Variants in LTBP1 observed in about 807,000 individuals in gnomAD.
LTBP1 encodes latent transforming growth factor beta binding protein 1.
A neutral mutation model predicts 207.6 loss-of-function variants in LTBP1; 129 were observed. The observed-to-expected ratio is 0.62, with a 90% confidence interval of 0.54 to 0.72. The LOEUF is 0.72. Among genes scored for constraint, LTBP1 ranks in the 30% least tolerant of loss-of-function variants. The pLI is 0.00. For synonymous variants in LTBP1, 963 were observed against 833.7 expected, an observed-to-expected ratio of 1.16 and a Z score of -2.67; for missense variants, 2,281 against 2,217.2, an observed-to-expected ratio of 1.03 and a Z score of -0.58.
At position 33,355,594 on chromosome 2, in the gene LTBP1, C is replaced by A. The variant is rs575670890; in HGVS notation, c.4001-5003C>A. ...ATCCCATGGATACAGAGGGCTGGGC[C>A]CACTGTACTTTATTTGGCTTCCAGG... On this transcript the variant is annotated intron_variant, in intron 26 of 33. Coordinates refer to ENST00000404816, the MANE Select transcript of LTBP1 (RefSeq NM_206943.4). Among the ~76,000 whole-genome samples the A allele has an allele frequency of 3.0e-4, 46 of 152,024 alleles. 1 individual carries two copies. The East Asian group carries it at 8.7e-3, about 29-fold the overall frequency.
chr2:33,229,520 GA>G (rs1283936554), intron 9 of LTBP1, among the ~76,000 whole-genome samples: 2 of 152,106 alleles, frequency 1.3e-5, no homozygotes, highest in Non-Finnish European at 2.9e-5. Context: ...CGGAGGGAGA[GA>G]AAGTTGTACA....
chr2:33,211,469 A>G (rs989309671), intron 7 of LTBP1, among the ~76,000 whole-genome samples: 2 of 152,160 alleles, frequency 1.3e-5, no homozygotes, highest in Admixed American at 6.5e-5. Flanking sequence ...GCATCATTTA[A>G]TCTCACAATC....
At chr2:33,346,438 C>A (rs1333207784) in intron 25 of LTBP1, among the ~76,000 whole-genome samples, 3 of 152,068 alleles carry the variant, frequency 2.0e-5, no homozygotes. Flanking sequence ...AATCCCAGCA[C>A]TTTGGGAGGC....
intron 10 of LTBP1, among the ~76,000 whole-genome samples, chr2:33,245,978 A>G (rs541653287): frequency 2.0e-5 from 3 of 152,358 alleles, no homozygotes; most frequent in South Asian, 4.1e-4. Flanking sequence ...AAATCTGCCA[A>G]TGAGATTTTT....
At chr2:32,981,771 C>G (rs1056564737) in intron 2 of LTBP1, among the ~76,000 whole-genome samples, 1 of 152,106 alleles carries the variant, frequency 6.6e-6, no homozygotes, top group Non-Finnish European at 1.5e-5. Flanking sequence ...AAAAGTCTCA[C>G]AAGATCTGAT....
intron 7 of LTBP1, among the ~76,000 whole-genome samples, chr2:33,200,392 A>G (rs959808832): frequency 1.2e-4 from 19 of 152,226 alleles, no homozygotes; most frequent in Non-Finnish European, 2.6e-4. Flanking sequence ...TCCCTATTTA[A>G]TAAATGGTGC....
Position 33,053,477 on chromosome 2 carries a change from C to T in LTBP1, c.863+32271C>T, listed in dbSNP as rs138032517. 2.3e-3 allele frequency among the ~76,000 whole-genome samples: 349 copies of T among 152,018 alleles called. 2 individuals carry two copies. The highest frequency in any genetic ancestry group is 7.7e-3 in the African/African-American group (321 of 41,478). On this transcript the variant is annotated intron_variant, in intron 3 of 33. Transcript: ENST00000404816. Reference sequence around the variant, plus strand: ...AATGAGTATTATTGAAAGGTGACAGCGTGCTGGCAGCCCTCGCAGCCCTCG... The same window carrying T: ...AATGAGTATTATTGAAAGGTGACAGTGTGCTGGCAGCCCTCGCAGCCCTCG...
chr2:33,212,181 A>G (rs2090359576), intron 7 of LTBP1, among the ~76,000 whole-genome samples: 1 of 152,252 alleles, frequency 6.6e-6, no homozygotes, highest in African/African-American at 2.4e-5. Context: ...ACAGATGTGC[A>G]CATAGGAAGG....
intron 24 of LTBP1, among the ~76,000 whole-genome samples, chr2:33,323,985 C>T (rs1375715841): frequency 6.6e-6 from 1 of 152,104 alleles, no homozygotes; most frequent in Non-Finnish European, 1.5e-5. Context: ...CTTCAGTTCC[C>T]TCTCTGTATA....
chr2:33,274,126 G>A (rs2148384590), intron 16 of LTBP1, among the ~76,000 whole-genome samples: 1 of 152,150 alleles, frequency 6.6e-6, no homozygotes, highest in African/African-American at 2.4e-5. Flanking sequence ...GTATACTGCA[G>A]TAAAGAATTA....
chr2:33,162,088 T>G (rs1404432889), intron 5 of LTBP1, among the ~76,000 whole-genome samples: 1 of 152,222 alleles, frequency 6.6e-6, no homozygotes, highest in Non-Finnish European at 1.5e-5. Flanking sequence ...TTTCTGTGTT[T>G]TGTCTTCCTC....
chr2:33,188,502 C>G (rs1475560539), intron 6 of LTBP1, 75 bp from the exon 7 acceptor site: 2 of 1,142,672 alleles, frequency 1.8e-6, no homozygotes, highest in African/African-American at 1.6e-5. Flanking sequence ...ATAAAATTTA[C>G]TTTCATGTTT....
At chr2:33,020,650 A>G (rs1408484649) in intron 2 of LTBP1, among the ~76,000 whole-genome samples, 3 of 152,172 alleles carry the variant, frequency 2.0e-5, no homozygotes, top group Non-Finnish European at 2.9e-5. Flanking sequence ...AAGTGGGCAC[A>G]ATAAAATATC....
At chr2:33,158,969 C>T (rs974277601) in intron 5 of LTBP1, among the ~76,000 whole-genome samples, 5 of 152,188 alleles carry the variant, frequency 3.3e-5, no homozygotes, top group African/African-American at 7.2e-5. Flanking sequence ...CAATAGGAAA[C>T]ACAGTTCTTT....
At chr2:33,178,502 A>G (rs1262683546) in intron 5 of LTBP1, among the ~76,000 whole-genome samples, 1 of 152,106 alleles carries the variant, frequency 6.6e-6, no homozygotes, top group Admixed American at 6.5e-5. Flanking sequence ...TGAAGCATTT[A>G]CTAATGCCCA....
intron 31 of LTBP1, among the ~76,000 whole-genome samples, chr2:33,384,027 T>C (rs2095244587): frequency 6.6e-6 from 1 of 152,166 alleles, no homozygotes; most frequent in Non-Finnish European, 1.5e-5. Context: ...TACCTCCTGG[T>C]CTCCTCACAT....
At chr2:33,007,503 C>T (rs369512173) in intron 2 of LTBP1, among the ~76,000 whole-genome samples, 12 of 152,316 alleles carry the variant, frequency 7.9e-5, no homozygotes, top group African/African-American at 1.4e-4. Context: ...AGAACACTCA[C>T]GTAGCATTTT....
chr2:33,029,846 CTGT>C (rs1232092233), intron 3 of LTBP1, among the ~76,000 whole-genome samples: 1 of 152,178 alleles, frequency 6.6e-6, no homozygotes, highest in Non-Finnish European at 1.5e-5. Flanking sequence ...AAGTAAACCA[CTGT>C]TGTTTGACCA....
chr2:33,382,094 T>C (rs1390667873), intron 31 of LTBP1, among the ~76,000 whole-genome samples: 4 of 102,446 alleles, frequency 3.9e-5, no homozygotes, highest in Non-Finnish European at 8.1e-5. Flanking sequence ...TTTTTTTTTT[T>C]TTTTTTTTTT....
Sources: gnomAD v4.1 joint callset for allele counts (sites outside exome capture counted in the v4.1 genomes callset) on GRCh38, gnomAD v4.1.1 for gene constraint, MANE v1.5 for transcripts, NCBI Gene and HGNC (gene_info 2026-07-23, HGNC 2026-07-21) for gene names.